Variants in GALNT13 observed in about 807,000 individuals in gnomAD.
GALNT13 encodes the protein UDP-GalNAc:polypeptide N-acetylgalactosaminyltransferase 13.
GALNT13 carries 28 observed loss-of-function variants against 64.2 expected under a neutral mutation model. That is an observed-to-expected ratio of 0.44 (90% confidence interval 0.32 to 0.60). GALNT13 has a LOEUF of 0.60. Ranked by LOEUF, GALNT13 falls within the 20% of genes least tolerant of loss-of-function variation. The probability of loss-of-function intolerance (pLI) is 0.05; values close to 1 mark genes in which losing one functional copy is unlikely to be tolerated. For synonymous variants in GALNT13, 214 were observed against 224.6 expected (o/e 0.95, Z 0.42); for missense variants, 577 against 669.8 (o/e 0.86, Z 1.53).
At chr2:153,410,654 A>G in the GALNT13 span, among the ~76,000 whole-genome samples, 2,426 of 152,228 alleles carry the variant, frequency 0.016, 68 homozygotes, top group African/African-American at 0.055. Context: ...TCTTGTTAAA[A>G]AAGTTTTTCT....
At chr2:153,319,147 T>C in the GALNT13 span, among the ~76,000 whole-genome samples, 1 of 152,236 alleles carries the variant, frequency 6.6e-6, no homozygotes, top group Admixed American at 6.5e-5. Context: ...TTTCAGTAGT[T>C]TTCATCTGTA....
At chr2:153,689,367 A>G in the GALNT13 span, among the ~76,000 whole-genome samples, 2 of 151,986 alleles carry the variant, frequency 1.3e-5, no homozygotes, top group Non-Finnish European at 2.9e-5. Context: ...CATATTATCT[A>G]TATGTTTCTA....
chr2:153,733,244 G>A, the GALNT13 span, among the ~76,000 whole-genome samples: 3 of 152,134 alleles, frequency 2.0e-5, no homozygotes, highest in African/African-American at 4.8e-5. Context: ...CATTAGCACA[G>A]TTGGGCTATA....
At chr2:153,277,674 G>A in the GALNT13 span, among the ~76,000 whole-genome samples, 1 of 151,940 alleles carries the variant, frequency 6.6e-6, no homozygotes, top group Non-Finnish European at 1.5e-5. Context: ...CACCAACACT[G>A]TATAAGGATT....
the GALNT13 span, among the ~76,000 whole-genome samples, chr2:153,592,213 G>A: frequency 6.6e-6 from 1 of 152,020 alleles, no homozygotes; most frequent in Non-Finnish European, 1.5e-5. Flanking sequence ...CAGTGAAAAG[G>A]GAACTCTCAT....
At chr2:153,299,772 T>A in the GALNT13 span, among the ~76,000 whole-genome samples, 1 of 152,194 alleles carries the variant, frequency 6.6e-6, no homozygotes, top group Non-Finnish European at 1.5e-5. Context: ...ACACAGTTGC[T>A]CGTTGGCATT....
the GALNT13 span, among the ~76,000 whole-genome samples, chr2:153,494,085 T>A: frequency 6.6e-6 from 1 of 151,268 alleles, no homozygotes; most frequent in Admixed American, 6.6e-5. Flanking sequence ...AAAAAAAAAA[T>A]GAACAAGACC....
chr2:154,332,254 T>C (rs1695206118), intron 9 of GALNT13, among the ~76,000 whole-genome samples: 1 of 152,068 alleles, frequency 6.6e-6, no homozygotes, highest in Admixed American at 6.6e-5. Context: ...GATTGTGTTT[T>C]CTACCTCTGC....
the GALNT13 span, among the ~76,000 whole-genome samples, chr2:153,410,471 C>T: frequency 6.6e-6 from 1 of 152,134 alleles, no homozygotes; most frequent in Non-Finnish European, 1.5e-5. Context: ...TTTCAACAAG[C>T]AATGAGCTTT....
At chr2:153,097,214 T>A in the GALNT13 span, among the ~76,000 whole-genome samples, 1 of 152,308 alleles carries the variant, frequency 6.6e-6, no homozygotes, top group African/African-American at 2.4e-5. Flanking sequence ...TATTTTATTG[T>A]ACTGAATGTC....
the GALNT13 span, among the ~76,000 whole-genome samples, chr2:153,611,128 A>T: frequency 6.6e-6 from 1 of 152,216 alleles, no homozygotes; most frequent in Non-Finnish European, 1.5e-5. Flanking sequence ...TTGAAAATTT[A>T]AAGTTAACTC....
At chr2:153,203,998 G>T in the GALNT13 span, among the ~76,000 whole-genome samples, 1 of 152,170 alleles carries the variant, frequency 6.6e-6, no homozygotes, top group Non-Finnish European at 1.5e-5. Flanking sequence ...ATATATGAAA[G>T]AGATGAAGAG....
At chr2:153,759,291 T>C in the GALNT13 span, among the ~76,000 whole-genome samples, 1 of 152,212 alleles carries the variant, frequency 6.6e-6, no homozygotes, top group Non-Finnish European at 1.5e-5. Flanking sequence ...ATTTTATTTG[T>C]TTCTCTTACC....
At chr2:153,434,503 CTT>C in the GALNT13 span, among the ~76,000 whole-genome samples, 1 of 152,152 alleles carries the variant, frequency 6.6e-6, no homozygotes, top group African/African-American at 2.4e-5. Flanking sequence ...TGTTTCCTGA[CTT>C]TTTAATGATC....
chr2:154,246,794 G>A (rs1689806718), intron 7 of GALNT13, among the ~76,000 whole-genome samples: 1 of 152,010 alleles, frequency 6.6e-6, no homozygotes, highest in African/African-American at 2.4e-5. Flanking sequence ...ACTTAGCATT[G>A]TCAACAGGTT....
At chr2:153,793,650 GC>G in the GALNT13 span, among the ~76,000 whole-genome samples, 1 of 42,872 alleles carries the variant, frequency 2.3e-5, no homozygotes, top group Non-Finnish European at 5.8e-5. Flanking sequence ...TTGTTATTTT[GC>G]TTTAAAAAAA....
chr2:153,193,854 G>C, the GALNT13 span, among the ~76,000 whole-genome samples: 1 of 152,142 alleles, frequency 6.6e-6, no homozygotes, highest in Admixed American at 6.5e-5. Context: ...ATTTGTGGAA[G>C]ACACTGTTGA....
the GALNT13 span, among the ~76,000 whole-genome samples, chr2:153,638,454 G>A: frequency 9.5e-5 from 2 of 20,992 alleles, 1 homozygote; most frequent in African/African-American, 2.1e-4. Flanking sequence ...TAGTAAAAAA[G>A]TAGTACAGTT....
At chr2:153,844,361 C>G in the GALNT13 span, among the ~76,000 whole-genome samples, 1 of 149,628 alleles carries the variant, frequency 6.7e-6, no homozygotes, top group Non-Finnish European at 1.5e-5. Flanking sequence ...TCGAGCTGTA[C>G]CTAGACCCCT....
Sources: allele counts gnomAD v4.1 joint callset (sites outside exome capture counted in the v4.1 genomes callset), GRCh38; gene constraint gnomAD v4.1.1; transcripts MANE v1.5; gene names NCBI Gene and HGNC (gene_info 2026-07-23, HGNC 2026-07-21).